The following SPOCK3 variants were observed in gnomAD, a reference collection of about 807,000 sequenced individuals.
The protein encoded by SPOCK3 is testican-3.
Under a neutral mutation model 56.6 loss-of-function variants are expected in SPOCK3, and 30 were observed. The observed-to-expected ratio is 0.53, with a 90% CI of 0.40 to 0.72. SPOCK3 has a LOEUF of 0.72. SPOCK3 is among the 30% of genes least tolerant of loss of function. The probability of loss-of-function intolerance (pLI) is 0.00; values close to 1 mark genes in which losing one functional copy is unlikely to be tolerated. For missense variants in SPOCK3, 527 were observed against 530.0 expected (o/e 0.99, Z 0.06); for synonymous variants, 196 against 183.3 (o/e 1.07, Z -0.56).
intron 2 of SPOCK3, among the ~76,000 whole-genome samples, chr4:167,082,836 G>T (rs1757846123): frequency 6.7e-6 from 1 of 148,840 alleles, no homozygotes; most frequent in Non-Finnish European, 1.5e-5. Flanking sequence ...CAGAGGGAGG[G>T]AAGGAAGGGA....
chr4:167,021,287 T>G (rs1751146893), intron 3 of SPOCK3, among the ~76,000 whole-genome samples: 1 of 152,084 alleles, frequency 6.6e-6, no homozygotes, highest in African/African-American at 2.4e-5. Context: ...TTTGTAAATT[T>G]TATAAATCTT....
chr4:167,024,520 C>A (rs1751508569), intron 3 of SPOCK3, among the ~76,000 whole-genome samples: 1 of 151,960 alleles, frequency 6.6e-6, no homozygotes, highest in Non-Finnish European at 1.5e-5. Context: ...AATTATATTT[C>A]TAGAAATCAA....
chr4:167,146,364 A>C (rs1763955966), intron 2 of SPOCK3, among the ~76,000 whole-genome samples: 1 of 152,166 alleles, frequency 6.6e-6, no homozygotes, highest in African/African-American at 2.4e-5. Flanking sequence ...GAACTGTGGG[A>C]GACTTTAACG....
At chr4:167,092,198 A>T (rs958114746) in intron 2 of SPOCK3, among the ~76,000 whole-genome samples, 5 of 151,862 alleles carry the variant, frequency 3.3e-5, no homozygotes, top group African/African-American at 1.2e-4. Context: ...GGGTCGGGGA[A>T]CTCCCTCTCC....
At chr4:166,978,955 A>C (rs1746279429) in intron 4 of SPOCK3, among the ~76,000 whole-genome samples, 1 of 152,348 alleles carries the variant, frequency 6.6e-6, no homozygotes, top group South Asian at 2.1e-4. Flanking sequence ...TTCTCTGTAC[A>C]TACCTTAGTA....
At chr4:167,109,052 A>G in intron 2 of SPOCK3, among the ~76,000 whole-genome samples, 1 of 2,928 alleles carries the variant, frequency 3.4e-4, no homozygotes, top group Non-Finnish European at 5.2e-4. Context: ...TTATATAAAA[A>G]TATATATAAA....
At chr4:167,108,382 T>C (rs2150338833) in intron 2 of SPOCK3, among the ~76,000 whole-genome samples, 1 of 151,960 alleles carries the variant, frequency 6.6e-6, no homozygotes. Context: ...CTATTCACAA[T>C]CGCCAACATT....
chr4:167,193,709 C>T (rs1732675492), intron 2 of SPOCK3, among the ~76,000 whole-genome samples: 1 of 145,760 alleles, frequency 6.9e-6, no homozygotes, highest in South Asian at 2.1e-4. Flanking sequence ...CCCTTCAGGC[C>T]TGCAATGTTT....
At chr4:167,131,543 C>T (rs1474873325) in intron 2 of SPOCK3, among the ~76,000 whole-genome samples, 1 of 152,140 alleles carries the variant, frequency 6.6e-6, no homozygotes, top group Non-Finnish European at 1.5e-5. Flanking sequence ...GCGGAGATTG[C>T]AGTGGGCTGA....
At chr4:167,194,471 A>G (rs1345402761) in intron 2 of SPOCK3, among the ~76,000 whole-genome samples, 2 of 152,092 alleles carry the variant, frequency 1.3e-5, no homozygotes, top group Non-Finnish European at 2.9e-5. Context: ...GTGTGGTGTC[A>G]TGTTTTACTT....
intron 2 of SPOCK3, among the ~76,000 whole-genome samples, chr4:167,122,655 C>T (rs922333980): frequency 1.2e-4 from 19 of 152,018 alleles, no homozygotes; most frequent in South Asian, 2.1e-4. Context: ...TATACATATC[C>T]GTTATTCTTC....
chr4:167,144,463 C>T (rs866925267), intron 2 of SPOCK3, among the ~76,000 whole-genome samples: 9 of 151,138 alleles, frequency 6.0e-5, no homozygotes, highest in Admixed American at 3.3e-4. Flanking sequence ...CATTTATTTG[C>T]TCAGTTTGCA....
intron 5 of SPOCK3, among the ~76,000 whole-genome samples, chr4:166,903,430 T>C (rs1736275292): frequency 2.0e-5 from 3 of 151,998 alleles, no homozygotes; most frequent in African/African-American, 7.2e-5. Context: ...TATACCATAA[T>C]AATGGTATTA....
At chr4:166,807,536 C>G (rs1384431884) in intron 6 of SPOCK3, among the ~76,000 whole-genome samples, 1 of 152,074 alleles carries the variant, frequency 6.6e-6, no homozygotes, top group Non-Finnish European at 1.5e-5. Flanking sequence ...TAGTTAAAAC[C>G]TGACCTGTCT....
chr4:166,883,264 A>C (rs1289414779), intron 6 of SPOCK3: 1 of 152,194 alleles, frequency 6.6e-6, no homozygotes, highest in Non-Finnish European at 1.5e-5. Flanking sequence ...TAGCACTCAG[A>C]GTACTGAAAT....
rs184823554 is a variant in SPOCK3, at chr4:167,163,349, C to T, written c.189+70636G>A. ...GGTGTATATGTTTATGGAGTACATG[C>T]TATATTTTGACTTAGGCATACAGCA... On this transcript the variant is annotated intron_variant, in intron 2 of 10. Transcript: ENST00000357545. 2.1e-4 allele frequency among the ~76,000 whole-genome samples: 32 copies of T among 151,422 alleles called. No homozygotes were observed. The East Asian group carries it at 6.2e-3, about 30-fold the overall frequency.
rs1745251236 is a variant in SPOCK3, at chr4:166,824,467, T to G, written c.590-32178A>C. On this transcript the variant is annotated intron_variant, in intron 6 of 10. Coordinates refer to ENST00000357545, the MANE Select transcript of SPOCK3 (RefSeq NM_001040159.2). Reference sequence around the variant, plus strand: ...ATAATATCTGACTGATCTAAGTTAATTTGCTACTGACACATTTCTGAATGA... The same window carrying G: ...ATAATATCTGACTGATCTAAGTTAAGTTGCTACTGACACATTTCTGAATGA... Among the ~76,000 whole-genome samples the G allele has an allele frequency of 2.0e-5, 3 of 152,080 alleles. No homozygotes were observed. In the South Asian group the frequency reaches 6.2e-4, roughly 31 times the overall value.
chr4:167,046,335 C>G (rs985874947), intron 3 of SPOCK3, among the ~76,000 whole-genome samples: 15 of 151,196 alleles, frequency 9.9e-5, no homozygotes, highest in Admixed American at 3.3e-4. Flanking sequence ...TCTTGGTGTT[C>G]CCTGAGCTTC....
chr4:166,853,873 C>T (rs542219571), intron 6 of SPOCK3, among the ~76,000 whole-genome samples: 2 of 151,554 alleles, frequency 1.3e-5, no homozygotes, highest in East Asian at 3.9e-4. Context: ...CAGAGGAAGA[C>T]TCTCTCTCAA....
Sources: gnomAD v4.1 joint callset for allele counts (sites outside exome capture counted in the v4.1 genomes callset) on GRCh38, gnomAD v4.1.1 for gene constraint, MANE v1.5 for transcripts, NCBI Gene and HGNC (gene_info 2026-07-23, HGNC 2026-07-21) for gene names.